The following STK38 variants were observed in gnomAD, a reference collection of about 807,000 sequenced individuals.
STK38 encodes serine/threonine-protein kinase 38.
STK38 carries 26 observed loss-of-function variants against 59.0 expected under a neutral mutation model. The ratio of observed to expected loss-of-function variants is 0.44; its 90% CI spans 0.32 to 0.61. STK38 has a LOEUF of 0.61. STK38 is among the 20% of genes least tolerant of loss of function. The pLI is 0.04. For synonymous variants in STK38, 175 were observed against 176.6 expected, an observed-to-expected ratio of 0.99 and a Z score of 0.07; for missense variants, 433 against 566.0, an observed-to-expected ratio of 0.76 and a Z score of 2.38.
At chr6:36,542,784 A>T (rs1777969912) in intron 1 of STK38, among the ~76,000 whole-genome samples, 1 of 151,968 alleles carries the variant, frequency 6.6e-6, no homozygotes, top group African/African-American at 2.4e-5. Flanking sequence ...CGTCTCTACT[A>T]AAAACACAAA....
intron 8 of STK38, 88 bp downstream of exon 8, chr6:36,507,412 C>G (rs2127470902): frequency 9.4e-7 from 1 of 1,066,664 alleles, no homozygotes; most frequent in Middle Eastern, 2.3e-4. Flanking sequence ...GTGTGAGAAT[C>G]TCCTATCTGT....
chr6:36,530,899 A>C (rs1356274717), intron 2 of STK38, among the ~76,000 whole-genome samples: 1 of 151,864 alleles, frequency 6.6e-6, no homozygotes, highest in African/African-American at 2.4e-5. Flanking sequence ...CATGTTGCAC[A>C]GGCTGGTCTT....
At chr6:36,499,275 C>T (rs1293165211) in intron 10 of STK38, among the ~76,000 whole-genome samples, 5 of 152,166 alleles carry the variant, frequency 3.3e-5, no homozygotes, top group East Asian at 1.9e-4. Context: ...AAGACAAACA[C>T]GCACACACCC....
Position 36,522,818 on chromosome 6 carries a change from T to C in STK38, c.307-1001A>G, listed in dbSNP as rs189715044. Among the ~76,000 whole-genome samples the C allele has an allele frequency of 3.6e-3, 443 of 123,258 alleles. 3 individuals are homozygous for C. Among genetic ancestry groups the C allele is most frequent in the African/African-American group, 0.013 (411 of 30,994 alleles). The allele number at this position is 123,258 out of a possible 152,430, so 80.9% of individuals were successfully genotyped here. On this transcript the variant is annotated intron_variant, in intron 4 of 13. Coordinates refer to ENST00000229812, the MANE Select transcript of STK38 (RefSeq NM_007271.4). ...TTGCAGTGAGCCAAGATCAAGCCAT[T>C]GCACTCCAGCCTGGGCAACAGAGCA...
chr6:36,504,091 AT>A (rs1221327720), intron 9 of STK38, among the ~76,000 whole-genome samples: 1 of 152,162 alleles, frequency 6.6e-6, no homozygotes, highest in Non-Finnish European at 1.5e-5. Flanking sequence ...TAACCTTATG[AT>A]TTTGTGTCAG....
At chr6:36,508,100 A>AT (rs1024530571) in intron 7 of STK38, among the ~76,000 whole-genome samples, 4 of 150,890 alleles carry the variant, frequency 2.7e-5, no homozygotes, top group African/African-American at 4.9e-5. Flanking sequence ...CGTCCGACTA[A>AT]TTTTTTTTTA....
chr6:36,496,043 ATTTTTTTT>A, intron 13 of STK38, 129 bp from the exon 14 acceptor site: 1 of 618,260 alleles, frequency 1.6e-6, no homozygotes, highest in Non-Finnish European at 2.5e-6. Flanking sequence ...CACTCTATGA[ATTTTTTTT>A]TTTTTTTTTT....
chr6:36,518,538 T>C (rs1417419880), intron 5 of STK38, among the ~76,000 whole-genome samples: 2 of 152,232 alleles, frequency 1.3e-5, no homozygotes, highest in East Asian at 3.8e-4. Flanking sequence ...CATCACTGCA[T>C]ATTATCAAAT....
At chr6:36,538,570 A>T (rs1381809767) in intron 2 of STK38, among the ~76,000 whole-genome samples, 1 of 152,178 alleles carries the variant, frequency 6.6e-6, no homozygotes, top group East Asian at 1.9e-4. Flanking sequence ...AAATATTCAG[A>T]AGTATACTGA....
Position 36,497,825 on chromosome 6 carries a change from A to G in STK38, c.1127T>C (p.Ile376Thr). 1 of 1,613,754 alleles carries G rather than the reference A, an allele frequency of 6.2e-7. No homozygotes were observed. Among genetic ancestry groups the G allele is most frequent in the Non-Finnish European group, 8.5e-7 (1 of 1,179,954 alleles). Reference protein sequence around the residue: ...HRIGAPGVEEIKSNSFFEGVD... With the variant: ...HRIGAPGVEETKSNSFFEGVD... ...GCCTTCAAAAAAAGAGTTACTTTTTATTTCCTCAACTCCAGGAGCTCCAAT... is the reference window on the plus strand; with the variant it reads ...GCCTTCAAAAAAAGAGTTACTTTTTGTTTCCTCAACTCCAGGAGCTCCAAT... The change falls in exon 12 of 14, where the codon ATA becomes ACA. Residue 376 changes from isoleucine (I) to threonine (T), a missense_variant. Physicochemically the swap from Ile to Thr is moderately conservative, Grantham distance 89 (BLOSUM62 -1). Transcript: ENST00000229812.
intron 11 of STK38, 32 bp downstream of exon 11, chr6:36,498,331 G>A (rs551686903): frequency 3.8e-6 from 6 of 1,580,438 alleles, no homozygotes; most frequent in Non-Finnish European, 4.3e-6. Flanking sequence ...TTAAAAAGCT[G>A]AGAAAGAAGG....
chr6:36,514,818 A>T (rs1311655254), intron 7 of STK38, among the ~76,000 whole-genome samples: 1 of 146,166 alleles, frequency 6.8e-6, no homozygotes, highest in Non-Finnish European at 1.5e-5. Flanking sequence ...ACTGCACTCC[A>T]GCCTGGGCAA....
intron 2 of STK38, among the ~76,000 whole-genome samples, chr6:36,536,523 T>A (rs1777795264): frequency 2.0e-5 from 3 of 152,016 alleles, no homozygotes; most frequent in African/African-American, 2.4e-5. Context: ...AAATTTTTTT[T>A]AATTTTAATT....
intron 2 of STK38, among the ~76,000 whole-genome samples, chr6:36,530,691 CTTT>C (rs760949624): frequency 4.9e-5 from 6 of 122,620 alleles, no homozygotes; most frequent in Admixed American, 8.3e-5. Flanking sequence ...CTTTTCTTTT[CTTT>C]TTTTTTTTTT....
intron 2 of STK38, among the ~76,000 whole-genome samples, chr6:36,538,956 G>A (rs1777865348): frequency 6.6e-6 from 1 of 150,414 alleles, no homozygotes; most frequent in Non-Finnish European, 1.5e-5. Context: ...ATGGATAGAT[G>A]GATATGCAGT....
chr6:36,527,191 C>CAAAAAAAAAAAAAAAA (rs777770396), intron 2 of STK38, among the ~76,000 whole-genome samples: 1 of 46,038 alleles, frequency 2.2e-5, no homozygotes, highest in African/African-American at 9.6e-5. Flanking sequence ...GACTCCGTCT[C>CAAAAAAAAAAAAAAAA]AAAAAAAAAA....
At position 36,495,851 on chromosome 6, in the gene STK38, G is replaced by A. The variant is rs757931650; in HGVS notation, c.1331C>T (p.Thr444Met). The A allele has an allele frequency of 4.3e-6, 7 of 1,613,988 alleles. No individual in the cohort carries two copies. The highest frequency in any genetic ancestry group is 1.3e-5 in the African/African-American group (1 of 74,990). Residue 444 changes from threonine to methionine, a missense_variant, in exon 14 of 14, where the codon ACG becomes ATG. Thr to Met is a moderately conservative substitution (Grantham distance 81). Around this residue, in one of 3 missense-constraint regions of STK38, gnomAD observed 136 missense variants for 156.7 expected, o/e 0.87. Coordinates refer to ENST00000229812, the MANE Select transcript of STK38 (RefSeq NM_007271.4). ...KNKDWVFINY[T>M]YKRFEGLTAR... ...AGTCAGGCCCTCAAAGCGCTTGTAC[G>A]TGTAATTGATGAAGACCCAGTCTTT...
At chr6:36,515,535 C>T (rs1383403201) in intron 6 of STK38, 43 bp from the exon 7 acceptor site, 2 of 1,602,596 alleles carry the variant, frequency 1.2e-6, no homozygotes, top group South Asian at 2.2e-5. Context: ...CACACACACA[C>T]ACACACACAC....
chr6:36,519,521 G>A (rs572329206), intron 5 of STK38, among the ~76,000 whole-genome samples: 1 of 152,272 alleles, frequency 6.6e-6, no homozygotes, highest in East Asian at 1.9e-4. Flanking sequence ...GGACACAATG[G>A]TGCCCATAAC....
Sources: allele counts gnomAD v4.1 joint callset (sites outside exome capture counted in the v4.1 genomes callset), GRCh38; gene constraint gnomAD v4.1.1; regional missense constraint gnomAD v4.1.1; transcripts MANE v1.5; gene names NCBI Gene and HGNC (gene_info 2026-07-23, HGNC 2026-07-21).